Variants in KIAA1549 observed in about 807,000 individuals in gnomAD.
KIAA1549 encodes the protein KIAA1549, also known as UPF0606 protein KIAA1549.
In KIAA1549, 70 loss-of-function variants were observed where a neutral mutation model predicts 156.4. The observed-to-expected ratio is 0.45, with a 90% confidence interval of 0.37 to 0.55. The LOEUF is 0.55. Among genes scored for constraint, KIAA1549 ranks in the 20% least tolerant of loss-of-function variants. KIAA1549 has a pLI of 0.00. For missense variants in KIAA1549, 2,428 were observed against 2,540.9 expected (o/e 0.96, Z 0.96); for synonymous variants, 1,103 against 1,066.4 (o/e 1.03, Z -0.67).
At chr7:138,840,321 A>G in intron 18 of KIAA1549, 43 bp from the exon 19 acceptor site, 1 of 1,571,060 alleles carries the variant, frequency 6.4e-7, no homozygotes, top group Non-Finnish European at 8.7e-7. Context: ...CATTTATAGG[A>G]GAGTATGGCT....
At chr7:138,840,874 C>T (rs1809896889) in intron 18 of KIAA1549, among the ~76,000 whole-genome samples, 1 of 151,908 alleles carries the variant, frequency 6.6e-6, no homozygotes, top group Non-Finnish European at 1.5e-5. Flanking sequence ...AACACCCTGT[C>T]AGAAGACACT....
intron 17 of KIAA1549, 107 bp from the exon 18 acceptor site, chr7:138,844,581 T>G (rs1563046142): frequency 9.6e-7 from 1 of 1,044,658 alleles, no homozygotes; most frequent in Non-Finnish European, 1.3e-6. Flanking sequence ...TTTGTCTACC[T>G]GCTTAGCCAT....
chr7:138,903,531 C>A, intron 8 of KIAA1549, 57 bp downstream of exon 8: 1 of 1,565,952 alleles, frequency 6.4e-7, no homozygotes, highest in Non-Finnish European at 8.7e-7. Flanking sequence ...TGCACTCACA[C>A]GCAAGCGCTG....
intron 1 of KIAA1549, among the ~76,000 whole-genome samples, chr7:138,946,540 G>A (rs937140495): frequency 2.6e-5 from 4 of 152,296 alleles, no homozygotes; most frequent in Non-Finnish European, 5.9e-5. Flanking sequence ...AGCACTTTGG[G>A]AGGCTGAGGC....
chr7:138,963,268 A>C (rs1387539806), intron 1 of KIAA1549, among the ~76,000 whole-genome samples: 1 of 152,252 alleles, frequency 6.6e-6, no homozygotes, highest in Admixed American at 6.5e-5. Context: ...ACCAGACAAG[A>C]TGCAAAAGGT....
chr7:138,877,125 G>A (rs1342630660), intron 12 of KIAA1549, among the ~76,000 whole-genome samples: 2 of 152,136 alleles, frequency 1.3e-5, no homozygotes, highest in Non-Finnish European at 2.9e-5. Flanking sequence ...ATCTCAAGCA[G>A]CCTCCCTCCC....
intron 1 of KIAA1549, among the ~76,000 whole-genome samples, chr7:138,934,523 A>T (rs935513615): frequency 6.6e-6 from 1 of 151,976 alleles, no homozygotes; most frequent in African/African-American, 2.4e-5. Flanking sequence ...GCCATATGTC[A>T]CATCTTTGAT....
chr7:138,958,102 T>C (rs574366128), intron 1 of KIAA1549, among the ~76,000 whole-genome samples: 28 of 152,354 alleles, frequency 1.8e-4, no homozygotes, highest in Admixed American at 3.9e-4. Context: ...ACGACTGTTA[T>C]CCTCTGGATA....
intron 1 of KIAA1549, among the ~76,000 whole-genome samples, chr7:138,966,751 A>C (rs1339097357): frequency 6.6e-6 from 1 of 152,034 alleles, no homozygotes; most frequent in Admixed American, 6.6e-5. Context: ...CAGGATCAAT[A>C]CTTTGCATCC....
chr7:138,927,948 T>A (rs1370993744), intron 1 of KIAA1549, among the ~76,000 whole-genome samples: 2 of 147,440 alleles, frequency 1.4e-5, no homozygotes, highest in African/African-American at 5.1e-5. Flanking sequence ...TGAGACAGAG[T>A]CTTGCTCTGT....
chr7:138,858,568 A>T (rs1311647086), intron 16 of KIAA1549, among the ~76,000 whole-genome samples: 1 of 152,156 alleles, frequency 6.6e-6, no homozygotes, highest in Non-Finnish European at 1.5e-5. Flanking sequence ...TTTGTTAGGT[A>T]GAACCAGAGC....
intron 1 of KIAA1549, among the ~76,000 whole-genome samples, chr7:138,944,145 T>C (rs1813275633): frequency 6.6e-6 from 1 of 151,906 alleles, no homozygotes; most frequent in African/African-American, 2.4e-5. Context: ...GTAACTATCA[T>C]CACTACATTG....
chr7:138,837,889 C>G lies in KIAA1549; in HGVS notation c.*17G>C. The G allele has an allele frequency of 6.2e-7, 1 of 1,610,206 alleles. No homozygotes were observed. Among genetic ancestry groups the G allele is most frequent in the South Asian group, 1.1e-5 (1 of 90,336 alleles). On this transcript the variant is annotated 3_prime_UTR_variant, in exon 20 of 20. Coordinates refer to ENST00000422774, the MANE Select transcript of KIAA1549 (RefSeq NM_001164665.2). Reference sequence around the variant, plus strand: ...CACAGGAAGCGGATACTTGGCAAATCTGCGAGGCGAGGCCGATCAGCTGTG... The same window carrying G: ...CACAGGAAGCGGATACTTGGCAAATGTGCGAGGCGAGGCCGATCAGCTGTG...
intron 10 of KIAA1549, among the ~76,000 whole-genome samples, chr7:138,888,518 C>T (rs915897161): frequency 2.0e-5 from 3 of 152,216 alleles, no homozygotes; most frequent in African/African-American, 4.8e-5. Context: ...CACAGCAACA[C>T]GTTTGGATTC....
intron 1 of KIAA1549, among the ~76,000 whole-genome samples, chr7:138,977,918 T>G (rs898336380): frequency 3.9e-5 from 6 of 152,196 alleles, no homozygotes; most frequent in African/African-American, 1.4e-4. Context: ...CAGGATGGTC[T>G]CAAACTCCTG....
rs1008806066 is a variant in KIAA1549, at chr7:138,981,301, C to G, written c.-32G>C. 9.7e-6 allele frequency: 9 copies of G among 924,362 alleles called. No individual in the cohort carries two copies. Among genetic ancestry groups the G allele is most frequent in the African/African-American group, 1.8e-5 (1 of 55,594 alleles). The allele number at this position is 924,362 out of a possible 1,614,324, so 57.3% of individuals were successfully genotyped here. A position where few individuals can be genotyped will look rare whatever the true frequency, so the allele number is the denominator to read the frequency against. ...CCGGCGCCCCGGCCCGGCCTCGCGGCTCAGCGGCTCTCGGGTCCGGGAGGG... is the reference window on the plus strand; with the variant it reads ...CCGGCGCCCCGGCCCGGCCTCGCGGGTCAGCGGCTCTCGGGTCCGGGAGGG... On this transcript the variant is annotated 5_prime_UTR_variant, in exon 1 of 20. Coordinates refer to ENST00000422774, the MANE Select transcript of KIAA1549 (RefSeq NM_001164665.2). The surrounding 1 kb of genome is among the most constrained non-coding windows in gnomAD (Gnocchi z 4.5).
chr7:138,884,482 A>G (rs1403153037), intron 10 of KIAA1549, among the ~76,000 whole-genome samples: 1 of 152,198 alleles, frequency 6.6e-6, no homozygotes, highest in Non-Finnish European at 1.5e-5. Flanking sequence ...CAGCATTAAT[A>G]TTAAAACCGA....
intron 16 of KIAA1549, among the ~76,000 whole-genome samples, chr7:138,857,725 A>G (rs901873001): frequency 3.3e-5 from 5 of 152,246 alleles, no homozygotes; most frequent in African/African-American, 1.2e-4. Flanking sequence ...ATGCTTTATT[A>G]TGAAATGATC....
intron 1 of KIAA1549, among the ~76,000 whole-genome samples, chr7:138,970,612 G>A (rs978863870): frequency 7.9e-5 from 12 of 152,190 alleles, no homozygotes; most frequent in African/African-American, 2.2e-4. Flanking sequence ...TCAAAAAGTC[G>A]ATGCAGTAGG....
Sources: gnomAD v4.1 joint callset for allele counts (sites outside exome capture counted in the v4.1 genomes callset) on GRCh38, gnomAD v4.1.1 for gene constraint, Gnocchi (gnomAD v3.1) non-coding constraint, MANE v1.5 for transcripts, NCBI Gene and HGNC (gene_info 2026-07-23, HGNC 2026-07-21) for gene names.